Variants in VPS35L observed in about 807,000 individuals in gnomAD.
VPS35L encodes the protein VPS35 endosomal protein sorting factor like, also known as VPS35 endosomal protein-sorting factor-like.
A neutral mutation model predicts 133.0 loss-of-function variants in VPS35L; 83 were observed. The ratio of observed to expected loss-of-function variants is 0.62; its 90% CI spans 0.52 to 0.75. VPS35L has a LOEUF of 0.75. VPS35L is among the 30% of genes least tolerant of loss of function. The pLI, the probability that VPS35L is intolerant of heterozygous loss-of-function variation, is 0.00. For synonymous variants in VPS35L, 423 were observed against 449.9 expected, an observed-to-expected ratio of 0.94 and a Z score of 0.76; for missense variants, 1,083 against 1,206.8, an observed-to-expected ratio of 0.90 and a Z score of 1.52.
intron 25 of VPS35L, 26 bp downstream of exon 25, chr16:19,650,485 G>T (rs1171275996): frequency 1.4e-5 from 22 of 1,582,712 alleles, no homozygotes; most frequent in Non-Finnish European, 1.7e-5. Flanking sequence ...AAGGACTGTT[G>T]GACCTCGAAC....
intron 27 of VPS35L, among the ~76,000 whole-genome samples, chr16:19,677,955 C>T (rs750175866): frequency 7.9e-5 from 12 of 152,188 alleles, no homozygotes; most frequent in Non-Finnish European, 1.5e-4. Flanking sequence ...TTATCACCCT[C>T]GTTTCACAGA....
chr16:19,679,663 C>T (rs111856972), intron 27 of VPS35L, among the ~76,000 whole-genome samples: 2,916 of 152,048 alleles, frequency 0.019, 83 homozygotes, highest in African/African-American at 0.066. Flanking sequence ...CACCACCACA[C>T]CCGGCTAATT....
chr16:19,638,772 C>T (rs879198181), intron 20 of VPS35L, among the ~76,000 whole-genome samples: 13 of 152,144 alleles, frequency 8.5e-5, no homozygotes, highest in African/African-American at 2.7e-4. Context: ...AACAGTATAG[C>T]GTGAGATTTC....
intron 22 of VPS35L, among the ~76,000 whole-genome samples, chr16:19,644,076 G>C (rs989656749): frequency 2.0e-5 from 3 of 151,970 alleles, no homozygotes; most frequent in Admixed American, 2.0e-4. Flanking sequence ...CTTGACTCCT[G>C]TTTTCTCTGG....
At chr16:19,687,041 C>T (rs541346154) in intron 28 of VPS35L, among the ~76,000 whole-genome samples, 1 of 152,192 alleles carries the variant, frequency 6.6e-6, no homozygotes, top group African/African-American at 2.4e-5. Flanking sequence ...GTTTGTGTGT[C>T]TGTGTCTCCT....
Position 19,699,711 on chromosome 16 carries a change from C to T in VPS35L, c.2793+63C>T, listed in dbSNP as rs1056484221. 6.3e-7 allele frequency: 1 copy of T among 1,593,988 alleles called. No homozygotes were observed. Among genetic ancestry groups the T allele is most frequent in the Non-Finnish European group, 8.5e-7 (1 of 1,170,822 alleles). On this transcript the variant is annotated intron_variant, in intron 30 of 30. Coordinates refer to ENST00000417362, the MANE Select transcript of VPS35L (RefSeq NM_020314.7). The surrounding 1 kb of genome is among the most constrained non-coding windows in gnomAD (Gnocchi z 4.2). ...GGCCAGTGCACAACCACCCTCAACA[C>T]AGCATTGTGGCCTGGACATCAGACA...
At chr16:19,612,064 G>A (rs867323327) in intron 12 of VPS35L, among the ~76,000 whole-genome samples, 77 of 150,940 alleles carry the variant, frequency 5.1e-4, no homozygotes, top group African/African-American at 1.6e-3. Context: ...GCAGCCTCCC[G>A]AGTAGCTGGG....
At chr16:19,570,833 TCATATATATA>T (rs1971339106) in intron 3 of VPS35L, among the ~76,000 whole-genome samples, 1 of 76,112 alleles carries the variant, frequency 1.3e-5, no homozygotes, top group Non-Finnish European at 2.9e-5. Flanking sequence ...ATGCTGTGTT[TCATATATATA>T]TATATATATA....
At position 19,665,989 on chromosome 16, in the gene VPS35L, T is replaced by G. The variant is rs58841929; in HGVS notation, c.2222-3171T>G. ...TTTGTATTTTTTTTTTTGAGAAACA[T>G]CTATTGAAATCTTTTGCCCATTTTT... On this transcript the variant is annotated intron_variant, in intron 26 of 30. Coordinates refer to ENST00000417362, the MANE Select transcript of VPS35L (RefSeq NM_020314.7). 9.0e-3 allele frequency among the ~76,000 whole-genome samples: 1,375 copies of G among 152,176 alleles called. 14 individuals are homozygous for G. The highest frequency in any genetic ancestry group is 0.031 in the African/African-American group (1,296 of 41,514).
chr16:19,629,357 C>T (rs1401558499), intron 17 of VPS35L, among the ~76,000 whole-genome samples: 1 of 152,090 alleles, frequency 6.6e-6, no homozygotes, highest in Non-Finnish European at 1.5e-5. Context: ...TATTTGTTTA[C>T]CTGTAATGGA....
chr16:19,580,459 A>C (rs751376557), intron 6 of VPS35L, among the ~76,000 whole-genome samples: 1 of 152,066 alleles, frequency 6.6e-6, no homozygotes, highest in Non-Finnish European at 1.5e-5. Flanking sequence ...ATTGTAGGAA[A>C]TATACATATA....
intron 18 of VPS35L, among the ~76,000 whole-genome samples, chr16:19,632,282 A>G (rs1973481188): frequency 2.0e-5 from 3 of 152,166 alleles, no homozygotes; most frequent in Non-Finnish European, 4.4e-5. Context: ...ATTATTTAAT[A>G]TCATCAGTAC....
chr16:19,647,031 C>G (rs560588535), intron 23 of VPS35L, among the ~76,000 whole-genome samples: 3 of 152,310 alleles, frequency 2.0e-5, no homozygotes, highest in Non-Finnish European at 2.9e-5. Context: ...GAAATTCTGA[C>G]TTGTTCAATA....
At chr16:19,638,691 C>A (rs1349131640) in intron 20 of VPS35L, among the ~76,000 whole-genome samples, 4 of 152,202 alleles carry the variant, frequency 2.6e-5, no homozygotes, top group African/African-American at 7.2e-5. Context: ...TGCTAAGTGA[C>A]TAACGAGCAG....
chr16:19,636,176 A>G (rs568007750), intron 19 of VPS35L, among the ~76,000 whole-genome samples: 1 of 152,336 alleles, frequency 6.6e-6, no homozygotes, highest in East Asian at 1.9e-4. Flanking sequence ...CAACAGAGAA[A>G]GACCCTGTCT....
At chr16:19,670,939 C>A (rs1212045609) in intron 27 of VPS35L, among the ~76,000 whole-genome samples, 2 of 152,194 alleles carry the variant, frequency 1.3e-5, no homozygotes, top group Non-Finnish European at 2.9e-5. Flanking sequence ...CAAAAGAAAT[C>A]AACAGATATG....
intron 14 of VPS35L, among the ~76,000 whole-genome samples, chr16:19,623,793 ATTATTATTATTATTATTATTATTG>A (rs1161532418): frequency 1.4e-4 from 16 of 112,946 alleles, no homozygotes; most frequent in African/African-American, 4.0e-4. Context: ...TATTATTATT[ATTATTATTATTATTATTATTATTG>A]TTTTAAGACA....
Position 19,685,916 on chromosome 16 carries a change from C to T in VPS35L, c.2527+3526C>T, listed in dbSNP as rs139758559. ...TCTCTCTCCTCTCCTTCCTCTCCCT[C>T]CTCTCCTTCCTCTCCCTTAAACAGA... On this transcript the variant is annotated intron_variant, in intron 28 of 30. Transcript: ENST00000417362. 5.9e-3 allele frequency among the ~76,000 whole-genome samples: 904 copies of T among 152,014 alleles called. 7 individuals carry two copies. The highest frequency in any genetic ancestry group is 0.021 in the African/African-American group (859 of 41,496).
intron 1 of VPS35L, among the ~76,000 whole-genome samples, chr16:19,560,454 T>C (rs530043687): frequency 1.4e-4 from 22 of 152,226 alleles, no homozygotes; most frequent in Non-Finnish European, 3.2e-4. Flanking sequence ...TCTATTTTGT[T>C]AAATGAGCCT....
Sources: gnomAD v4.1 joint callset for allele counts (sites outside exome capture counted in the v4.1 genomes callset) on GRCh38, gnomAD v4.1.1 for gene constraint, Gnocchi (gnomAD v3.1) non-coding constraint, MANE v1.5 for transcripts, NCBI Gene and HGNC (gene_info 2026-07-23, HGNC 2026-07-21) for gene names.